The following SEMA3C variants were observed in gnomAD, a reference collection of about 807,000 sequenced individuals.
The protein encoded by SEMA3C is semaphorin 3C.
In SEMA3C, 47 loss-of-function variants were observed where a neutral mutation model predicts 89.4. The observed-to-expected ratio is 0.53, with a 90% CI of 0.42 to 0.67. The LOEUF is 0.67. SEMA3C is among the 30% of genes least tolerant of loss of function. SEMA3C has a pLI of 0.00. For synonymous variants in SEMA3C, 310 were observed against 320.2 expected, an observed-to-expected ratio of 0.97 and a Z score of 0.34; for missense variants, 839 against 929.1, an observed-to-expected ratio of 0.90 and a Z score of 1.26.
intron 2 of SEMA3C, among the ~76,000 whole-genome samples, chr7:80,902,714 G>A (rs1791911886): frequency 6.6e-6 from 1 of 152,060 alleles, no homozygotes; most frequent in African/African-American, 2.4e-5. Flanking sequence ...TAATAGCAGG[G>A]GCAGTCTTGT....
chr7:80,918,600 C>T (rs1331985130), intron 1 of SEMA3C, among the ~76,000 whole-genome samples: 2 of 152,114 alleles, frequency 1.3e-5, no homozygotes, highest in African/African-American at 4.8e-5. Context: ...GCAATTTTGC[C>T]TTTGAAGGCA....
At position 80,743,071 on chromosome 7, in the gene SEMA3C, A is replaced by T. The variant is rs1244828448; in HGVS notation, c.*1823T>A. ...AGAATAGATTGGCCATAAACACAGA[A>T]GATGGTTTTGGCTTTACATTGACAC... On this transcript the variant is annotated 3_prime_UTR_variant, in exon 18 of 18. Coordinates refer to ENST00000265361, the MANE Select transcript of SEMA3C (RefSeq NM_006379.5). 7 of 151,942 alleles carry T rather than the reference A, an allele frequency of 4.6e-5. No individual in the cohort carries two copies. Among genetic ancestry groups the T allele is most frequent in the Non-Finnish European group, 1.0e-4 (7 of 67,830 alleles). 9.4% of individuals were successfully genotyped at this position (151,942 alleles called of 1,614,324 possible).
intron 15 of SEMA3C, among the ~76,000 whole-genome samples, chr7:80,754,164 T>C (rs953669392): frequency 3.9e-5 from 6 of 152,200 alleles, no homozygotes; most frequent in African/African-American, 9.6e-5. Flanking sequence ...CTCCAACTCC[T>C]GACCTCAGGC....
At chr7:80,901,793 A>C (rs562864872) in intron 2 of SEMA3C, among the ~76,000 whole-genome samples, 1 of 152,338 alleles carries the variant, frequency 6.6e-6, no homozygotes, top group African/African-American at 2.4e-5. Flanking sequence ...TGCCCATATT[A>C]GGTATATTGT....
At chr7:80,801,267 C>T (rs1046555624) in intron 9 of SEMA3C, among the ~76,000 whole-genome samples, 2 of 152,018 alleles carry the variant, frequency 1.3e-5, no homozygotes, top group African/African-American at 2.4e-5. Flanking sequence ...TTACAAATCT[C>T]AATTTCTTTT....
chr7:80,918,230 C>T (rs775946682), intron 1 of SEMA3C: 1 of 152,162 alleles, frequency 6.6e-6, no homozygotes, highest in Admixed American at 6.5e-5. Context: ...TATTAATATG[C>T]CTAACCTTTG....
chr7:80,749,084 GCA>G, intron 16 of SEMA3C, 56 bp from the exon 17 acceptor site: 2 of 1,519,520 alleles, frequency 1.3e-6, no homozygotes, highest in Non-Finnish European at 1.8e-6. Flanking sequence ...TGAATTTAGA[GCA>G]CATTCTCCTG....
chr7:80,901,375 C>G (rs182218320), intron 2 of SEMA3C, among the ~76,000 whole-genome samples: 1 of 152,306 alleles, frequency 6.6e-6, no homozygotes, highest in East Asian at 1.9e-4. Flanking sequence ...CAGGGAAGCA[C>G]CACAGCTGTG....
intron 9 of SEMA3C, 73 bp downstream of exon 9, chr7:80,802,588 CTTTT>C: frequency 2.3e-6 from 2 of 866,202 alleles, no homozygotes; most frequent in Admixed American, 4.4e-5. Flanking sequence ...AGTACATCTT[CTTTT>C]GAGACCTTAT....
At chr7:80,858,428 A>G (rs1790693380) in intron 2 of SEMA3C, among the ~76,000 whole-genome samples, 1 of 152,182 alleles carries the variant, frequency 6.6e-6, no homozygotes, top group Non-Finnish European at 1.5e-5. Flanking sequence ...AGATGTCCAG[A>G]TATATTCCAA....
chr7:80,870,309 TCA>T (rs1791025648), intron 2 of SEMA3C, among the ~76,000 whole-genome samples: 3 of 151,192 alleles, frequency 2.0e-5, no homozygotes, highest in East Asian at 3.9e-4. Context: ...CACCAATGAA[TCA>T]TATTAACCAT....
chr7:80,895,688 A>C (rs1791717234), intron 2 of SEMA3C, among the ~76,000 whole-genome samples: 1 of 152,184 alleles, frequency 6.6e-6, no homozygotes, highest in African/African-American at 2.4e-5. Flanking sequence ...TCATCTATTA[A>C]TTATCTAGGT....
At chr7:80,824,932 C>T (rs1313641355) in intron 4 of SEMA3C, among the ~76,000 whole-genome samples, 1 of 152,064 alleles carries the variant, frequency 6.6e-6, no homozygotes, top group African/African-American at 2.4e-5. Context: ...ATATGTCTCA[C>T]CATATCTAGC....
At chr7:80,875,658 T>C (rs886973588) in intron 2 of SEMA3C, among the ~76,000 whole-genome samples, 1 of 152,022 alleles carries the variant, frequency 6.6e-6, no homozygotes, top group African/African-American at 2.4e-5. Flanking sequence ...GTCGAGCATA[T>C]CCACTACCCG....
intron 12 of SEMA3C, among the ~76,000 whole-genome samples, chr7:80,788,793 C>T (rs2115578587): frequency 6.6e-6 from 1 of 152,190 alleles, no homozygotes; most frequent in South Asian, 2.1e-4. Context: ...AAAATGGCTT[C>T]ATGTATTGAT....
intron 2 of SEMA3C, among the ~76,000 whole-genome samples, chr7:80,832,425 C>G (rs1044442152): frequency 6.6e-6 from 1 of 152,172 alleles, no homozygotes; most frequent in Admixed American, 6.6e-5. Context: ...TGTAGATTAT[C>G]TATCTAATTA....
intron 17 of SEMA3C, among the ~76,000 whole-genome samples, chr7:80,747,162 TATTAA>T (rs1787821993): frequency 6.6e-6 from 1 of 152,118 alleles, no homozygotes; most frequent in African/African-American, 2.4e-5. Flanking sequence ...GTTATGCCAC[TATTAA>T]ATTATTACAT....
At chr7:80,858,010 C>T (rs1325167254) in intron 2 of SEMA3C, among the ~76,000 whole-genome samples, 1 of 151,804 alleles carries the variant, frequency 6.6e-6, no homozygotes, top group African/African-American at 2.4e-5. Context: ...ATTCAGATAT[C>T]AGATTATAAT....
At chr7:80,918,609 C>T (rs1792334142) in intron 1 of SEMA3C, among the ~76,000 whole-genome samples, 2 of 152,246 alleles carry the variant, frequency 1.3e-5, no homozygotes, top group South Asian at 4.1e-4. Context: ...CCTTTGAAGG[C>T]ACTGTAATAC....
Sources: allele counts gnomAD v4.1 joint callset (sites outside exome capture counted in the v4.1 genomes callset), GRCh38; gene constraint gnomAD v4.1.1; transcripts MANE v1.5; gene names NCBI Gene and HGNC (gene_info 2026-07-23, HGNC 2026-07-21).